Variants in ADAMTSL1 observed in about 807,000 individuals in gnomAD.
The protein encoded by ADAMTSL1 is ADAMTS like 1.
In ADAMTSL1, 126 loss-of-function variants were observed where a neutral mutation model predicts 201.8. The ratio of observed to expected loss-of-function variants is 0.62; its 90% confidence interval spans 0.54 to 0.72. The LOEUF (loss-of-function observed/expected upper bound fraction) is 0.72. Among genes scored for constraint, ADAMTSL1 ranks in the 30% least tolerant of loss-of-function variants. The pLI is 0.00. For synonymous variants in ADAMTSL1, 1,121 were observed against 903.4 expected (o/e 1.24, Z -4.32); for missense variants, 2,679 against 2,277.8 (o/e 1.18, Z -3.59).
intron 2 of ADAMTSL1, among the ~76,000 whole-genome samples, chr9:18,186,161 C>G (rs923991345): frequency 6.6e-6 from 1 of 152,116 alleles, no homozygotes; most frequent in Non-Finnish European, 1.5e-5. Flanking sequence ...GAATTGTAAA[C>G]AAGACAGAAT....
chr9:18,597,238 T>C (rs1824326311), intron 4 of ADAMTSL1, among the ~76,000 whole-genome samples: 1 of 152,208 alleles, frequency 6.6e-6, no homozygotes, highest in South Asian at 2.1e-4. Flanking sequence ...TGTGCCTTGC[T>C]CTCATTTCCT....
intron 2 of ADAMTSL1, among the ~76,000 whole-genome samples, chr9:18,517,492 T>A (rs890701396): frequency 3.3e-5 from 5 of 152,150 alleles, no homozygotes; most frequent in Admixed American, 2.0e-4. Context: ...TATGTATACA[T>A]GTGCCATGCT....
chr9:18,821,339 G>T (rs1824197909), intron 21 of ADAMTSL1, among the ~76,000 whole-genome samples: 1 of 152,170 alleles, frequency 6.6e-6, no homozygotes, highest in Admixed American at 6.5e-5. Flanking sequence ...ACAGGATGCT[G>T]GTGGGTCTGA....
upstream of ADAMTSL1, chr9:18,474,017 G>A: frequency 1.9e-6 from 1 of 512,860 alleles, no homozygotes; most frequent in Non-Finnish European, 3.5e-6. Flanking sequence ...ATTAGCAGGA[G>A]CCTGATTGGC....
chr9:18,163,523 T>C (rs1827494425), intron 1 of ADAMTSL1, among the ~76,000 whole-genome samples: 1 of 151,922 alleles, frequency 6.6e-6, no homozygotes, highest in African/African-American at 2.4e-5. Context: ...CCAAGACACA[T>C]ATGAGTTCAG....
intron 2 of ADAMTSL1, among the ~76,000 whole-genome samples, chr9:18,270,184 G>A (rs893547303): frequency 6.6e-6 from 1 of 152,088 alleles, no homozygotes; most frequent in Admixed American, 6.6e-5. Context: ...CCACTTCCTG[G>A]CTCATAGATG....
intron 1 of ADAMTSL1, among the ~76,000 whole-genome samples, chr9:18,142,423 T>A (rs2132010703): frequency 6.6e-6 from 1 of 152,338 alleles, no homozygotes; most frequent in Middle Eastern, 3.4e-3. Flanking sequence ...ATATGCGTTC[T>A]TTAAAACCTT....
intron 20 of ADAMTSL1, chr9:18,796,669 A>C (rs970332619): frequency 2.0e-5 from 3 of 152,234 alleles, no homozygotes; most frequent in African/African-American, 7.2e-5. Flanking sequence ...AAAGTCAACA[A>C]TGAAGAAGGC....
chr9:18,905,483 A>G (rs925469083), intron 26 of ADAMTSL1: 39 of 369,206 alleles, frequency 1.1e-4, no homozygotes, highest in Non-Finnish European at 4.1e-5. Context: ...CTAGCATATT[A>G]TGCCAAAATA....
At chr9:18,798,069 C>G (rs963878689) in intron 20 of ADAMTSL1, among the ~76,000 whole-genome samples, 2 of 149,518 alleles carry the variant, frequency 1.3e-5, no homozygotes, top group Admixed American at 1.3e-4. Flanking sequence ...TTTTCCTGGA[C>G]TTTAGTATTA....
intron 4 of ADAMTSL1, among the ~76,000 whole-genome samples, chr9:18,591,565 T>C (rs927064191): frequency 6.6e-6 from 1 of 152,152 alleles, no homozygotes; most frequent in Admixed American, 6.6e-5. Flanking sequence ...TGGTTAGTTG[T>C]TTTCTTGTGA....
intron 2 of ADAMTSL1, among the ~76,000 whole-genome samples, chr9:18,523,377 C>T (rs1209444656): frequency 4.6e-5 from 7 of 152,152 alleles, no homozygotes; most frequent in African/African-American, 1.7e-4. Flanking sequence ...AAAATTTTCT[C>T]CCATTCTGTA....
At chr9:18,882,831 T>TA (rs1015973036) in intron 23 of ADAMTSL1, among the ~76,000 whole-genome samples, 3 of 151,812 alleles carry the variant, frequency 2.0e-5, no homozygotes, top group South Asian at 2.1e-4. Context: ...CCATCTCTAC[T>TA]AAAAAAATTA....
chr9:18,317,958 A>G (rs1172245180), intron 2 of ADAMTSL1, among the ~76,000 whole-genome samples: 2 of 152,188 alleles, frequency 1.3e-5, no homozygotes, highest in African/African-American at 4.8e-5. Flanking sequence ...GTGCAGGACA[A>G]TATAGAGCAG....
intron 8 of ADAMTSL1, 34 bp downstream of exon 8, chr9:18,657,784 C>G: frequency 6.5e-7 from 1 of 1,549,758 alleles, no homozygotes; most frequent in South Asian, 1.1e-5. Flanking sequence ...AAACTGTTGG[C>G]TTCTGTGAGG....
chr9:18,148,591 T>G (rs958946926), intron 1 of ADAMTSL1, among the ~76,000 whole-genome samples: 6 of 152,162 alleles, frequency 3.9e-5, no homozygotes, highest in Non-Finnish European at 7.4e-5. Context: ...AATAAAGAAT[T>G]TTTTATTTTA....
At chr9:18,607,475 A>T (rs546997707) in intron 4 of ADAMTSL1, among the ~76,000 whole-genome samples, 2 of 152,296 alleles carry the variant, frequency 1.3e-5, no homozygotes, top group East Asian at 3.9e-4. Flanking sequence ...ATTTTTTTTC[A>T]AATGACTCAA....
chr9:18,748,719 A>G lies in ADAMTSL1; in HGVS notation c.2007-4579A>G, dbSNP rs145381625. On this transcript the variant is annotated intron_variant, in intron 15 of 28. Coordinates refer to ENST00000380548, the MANE Select transcript of ADAMTSL1 (RefSeq NM_001040272.6). ...TCAACTCAGTTTTTCACTGCATACT[A>G]CTGAACATCTGCCAGGTCCCAGGCA... is the stretch of plus-strand genomic sequence containing the variant. Among the ~76,000 whole-genome samples, 27 of 152,318 alleles carry G rather than the reference A, an allele frequency of 1.8e-4. No homozygotes were observed. The East Asian group carries it at 5.0e-3, about 28-fold the overall frequency.
At chr9:18,737,924 C>G (rs1818612079) in intron 15 of ADAMTSL1, among the ~76,000 whole-genome samples, 3 of 152,170 alleles carry the variant, frequency 2.0e-5, no homozygotes, top group African/African-American at 7.2e-5. Flanking sequence ...CCTGGCTCCA[C>G]CACTTACTGT....
Sources: gnomAD v4.1 joint callset for allele counts (sites outside exome capture counted in the v4.1 genomes callset) on GRCh38, gnomAD v4.1.1 for gene constraint, MANE v1.5 for transcripts, NCBI Gene and HGNC (gene_info 2026-07-23, HGNC 2026-07-21) for gene names.